The following DCAF10 variants were observed in gnomAD, a reference collection of about 807,000 sequenced individuals.
The protein encoded by DCAF10 is DDB1- and CUL4-associated factor 10.
Under a neutral mutation model 51.9 loss-of-function variants are expected in DCAF10, and 19 were observed. The observed-to-expected ratio is 0.37, with a 90% CI of 0.26 to 0.54. The LOEUF (loss-of-function observed/expected upper bound fraction) is 0.54, where lower values mean the gene tolerates loss of function less well. DCAF10 is among the 20% of genes least tolerant of loss of function. The pLI is 0.87. For synonymous variants in DCAF10, 291 were observed against 297.1 expected (o/e 0.98, Z 0.21); for missense variants, 510 against 730.6 (o/e 0.70, Z 3.48).
chr9:37,811,624 C>G (rs1202506009), intron 1 of DCAF10, among the ~76,000 whole-genome samples: 1 of 152,046 alleles, frequency 6.6e-6, no homozygotes. Flanking sequence ...TAACAGCAAA[C>G]TGGACACAGC....
At chr9:37,812,309 T>G (rs1829373536) in intron 1 of DCAF10, among the ~76,000 whole-genome samples, 1 of 151,690 alleles carries the variant, frequency 6.6e-6, no homozygotes, top group African/African-American at 2.4e-5. Flanking sequence ...AAAGCCACAC[T>G]TAGCTACAAG....
At chr9:37,824,211 C>T (rs2117877232) in intron 2 of DCAF10, among the ~76,000 whole-genome samples, 1 of 152,164 alleles carries the variant, frequency 6.6e-6, no homozygotes, top group Non-Finnish European at 1.5e-5. Context: ...AGACTGCCTG[C>T]CTATCAATGA....
At chr9:37,815,532 C>T (rs1829498806) in intron 1 of DCAF10, among the ~76,000 whole-genome samples, 1 of 152,112 alleles carries the variant, frequency 6.6e-6, no homozygotes, top group African/African-American at 2.4e-5. Flanking sequence ...GCAGTCCCAG[C>T]TACCCAGGAG....
At chr9:37,824,442 A>C (rs1296846159) in intron 2 of DCAF10, among the ~76,000 whole-genome samples, 1 of 152,216 alleles carries the variant, frequency 6.6e-6, no homozygotes, top group Non-Finnish European at 1.5e-5. Context: ...AAAACTGAAA[A>C]GATTTAACTA....
chr9:37,802,963 A>C (rs964222466), intron 1 of DCAF10, among the ~76,000 whole-genome samples: 3 of 152,156 alleles, frequency 2.0e-5, no homozygotes, highest in African/African-American at 7.2e-5. Flanking sequence ...ATTCAGAAGC[A>C]GCTATTTCTA....
intron 2 of DCAF10, among the ~76,000 whole-genome samples, chr9:37,825,443 G>A (rs1461911301): frequency 6.6e-6 from 1 of 152,134 alleles, no homozygotes; most frequent in Non-Finnish European, 1.5e-5. Context: ...AAAACTGGAG[G>A]CCATTATCTT....
At chr9:37,852,930 T>TTATACATATATATATA (rs1830711422) in intron 3 of DCAF10, among the ~76,000 whole-genome samples, 1 of 109,822 alleles carries the variant, frequency 9.1e-6, no homozygotes, top group East Asian at 4.3e-4. Flanking sequence ...GTATGTGAGG[T>TTATACATATATATATA]TATATATATA....
chr9:37,820,090 A>G (rs1829658297), intron 2 of DCAF10, among the ~76,000 whole-genome samples: 1 of 152,212 alleles, frequency 6.6e-6, no homozygotes, highest in Admixed American at 6.5e-5. Flanking sequence ...TATTTTTTCT[A>G]TGTAATGAGA....
rs562771534 is a variant in DCAF10, at chr9:37,854,994, T to C, written c.1054+12T>C. The C allele has an allele frequency of 1.9e-6, 3 of 1,583,908 alleles. No individual in the cohort carries two copies. The highest frequency in any genetic ancestry group is 2.6e-6 in the Non-Finnish European group (3 of 1,169,906). On this transcript the variant is annotated intron_variant, in intron 4 of 6. Coordinates refer to ENST00000377724, the MANE Select transcript of DCAF10 (RefSeq NM_024345.5). ...TACTTCAAGTTCAGGTAAGCTTTTC[T>C]TTTTTGGTCAAAAAGATTTTTCTCG...
chr9:37,838,124 C>T (rs999243145), intron 2 of DCAF10, among the ~76,000 whole-genome samples: 5 of 151,912 alleles, frequency 3.3e-5, no homozygotes, highest in African/African-American at 7.3e-5. Flanking sequence ...GTTTGAAAAA[C>T]GGATATATTA....
chr9:37,819,432 T>G, intron 2 of DCAF10, 31 bp downstream of exon 2: 1 of 1,542,116 alleles, frequency 6.5e-7, no homozygotes, highest in South Asian at 1.1e-5. Flanking sequence ...GTGAACTTTA[T>G]CAGTGTGGCC....
At chr9:37,820,143 AG>A (rs1806379270) in intron 2 of DCAF10, among the ~76,000 whole-genome samples, 1 of 152,182 alleles carries the variant, frequency 6.6e-6, no homozygotes, top group African/African-American at 2.4e-5. Flanking sequence ...TTCTAAAAAA[AG>A]AAATAGGTAA....
rs1830798960 is a variant in DCAF10, at chr9:37,854,831, C to T, written c.903C>T (p.Leu301=). The T allele has an allele frequency of 6.2e-7, 1 of 1,614,032 alleles. No homozygotes were observed. Among genetic ancestry groups the T allele is most frequent in the Non-Finnish European group, 8.5e-7 (1 of 1,179,988 alleles). Residue 301 remains leucine (L), a synonymous_variant, in exon 4 of 7, where the codon CTC becomes CTT. Coordinates refer to ENST00000377724, the MANE Select transcript of DCAF10 (RefSeq NM_024345.5). ...PHKKFFHTRF[L]MRMRLTPDCS... ...AGAAATTCTTTCACACACGTTTTCT[C>T]ATGCGAATGAGGTTAACACCAGATT...
chr9:37,814,938 G>A (rs2119043537), intron 1 of DCAF10, among the ~76,000 whole-genome samples: 1 of 152,234 alleles, frequency 6.6e-6, no homozygotes, highest in East Asian at 1.9e-4. Context: ...CAATTTCGCT[G>A]AAGAATAAAG....
intron 2 of DCAF10, among the ~76,000 whole-genome samples, chr9:37,840,747 T>A (rs1830309620): frequency 6.6e-6 from 1 of 152,186 alleles, no homozygotes; most frequent in East Asian, 1.9e-4. Flanking sequence ...GCCCTAGGCC[T>A]TCACACTGAC....
At chr9:37,800,674 C>T (rs546213745), upstream of DCAF10, 79 of 1,528,830 alleles carry the variant, frequency 5.2e-5, no homozygotes, top group South Asian at 2.6e-4. Context: ...TACCTCCGTT[C>T]CCGGGACTGC....
rs575471306 is a variant in DCAF10 at position 37,800,908 on chromosome 9, G to A, written c.42G>A (p.Ser14=). The change falls in exon 1 of 7, where the codon TCG becomes TCA. Residue 14 remains serine, a synonymous_variant. Coordinates refer to ENST00000377724, the MANE Select transcript of DCAF10 (RefSeq NM_024345.5). The part of the protein sequence containing the change: ...FGPHSPGGDG[S]AGAGAEEPTP... Reference sequence around the variant, plus strand: ...CCCATAGCCCTGGAGGGGACGGATCGGCCGGAGCCGGGGCTGAGGAGCCGA... The same window carrying A: ...CCCATAGCCCTGGAGGGGACGGATCAGCCGGAGCCGGGGCTGAGGAGCCGA... 161 of 1,495,866 alleles carry A rather than the reference G, an allele frequency of 1.1e-4. No individual in the cohort carries two copies. The African/African-American group carries it at 2.1e-3, about 19-fold the overall frequency. 92.7% of individuals were successfully genotyped at this position (1,495,866 alleles called of 1,614,324 possible). A position where few individuals can be genotyped will look rare whatever the true frequency, so the allele number is the denominator to read the frequency against.
upstream of DCAF10, chr9:37,800,716 C>T: frequency 6.5e-7 from 1 of 1,535,614 alleles, no homozygotes; most frequent in Non-Finnish European, 8.7e-7. Flanking sequence ...TCTCAGCTTT[C>T]CCGGTCCCCG....
At chr9:37,830,051 G>A (rs1325581182) in intron 2 of DCAF10, among the ~76,000 whole-genome samples, 4 of 151,836 alleles carry the variant, frequency 2.6e-5, no homozygotes, top group Non-Finnish European at 5.9e-5. Context: ...ATGTGGACAC[G>A]GAGGTATATG....
Sources: allele counts gnomAD v4.1 joint callset (sites outside exome capture counted in the v4.1 genomes callset), GRCh38; gene constraint gnomAD v4.1.1; transcripts MANE v1.5; gene names NCBI Gene and HGNC (gene_info 2026-07-23, HGNC 2026-07-21).